The following SAMD7 variants were observed in gnomAD, a reference collection of about 807,000 sequenced individuals.
The protein encoded by SAMD7 is sterile alpha motif domain containing 7, also known as sterile alpha motif domain-containing protein 7.
Under a neutral mutation model 36.7 loss-of-function variants are expected in SAMD7, and 34 were observed. The ratio of observed to expected loss-of-function variants is 0.93; its 90% CI spans 0.71 to 1.23. SAMD7 has a LOEUF of 1.23. Among genes scored for constraint, SAMD7 ranks in the 50% most tolerant of loss-of-function variants. The pLI is 0.00. For missense variants in SAMD7, 570 were observed against 546.6 expected, an observed-to-expected ratio of 1.04 and a Z score of -0.43; for synonymous variants, 188 against 189.7, an observed-to-expected ratio of 0.99 and a Z score of 0.07.
Position 169,927,037 on chromosome 3 carries a change from C to A in SAMD7, c.775C>A (p.His259Asn). The A allele has an allele frequency of 1.9e-6, 3 of 1,612,964 alleles. No individual in the cohort carries two copies. Among genetic ancestry groups the A allele is most frequent in the South Asian group, 2.2e-5 (2 of 91,012 alleles). ...ANTCGELEPT[H>N]RKPWGSHTTT... ...CACCTGTGGAGAGCTCGAGCCCACC[C>A]ATAGGAAACCCTGGGGGTCTCACAC... The change falls in exon 6 of 9, where the codon CAT becomes AAT. Residue 259 changes from histidine to asparagine, a missense_variant. Physicochemically the swap from His to Asn is moderately conservative, Grantham distance 68. Transcript: ENST00000335556.
At chr3:169,923,253 T>G (rs1364630495) in intron 4 of SAMD7, among the ~76,000 whole-genome samples, 1 of 152,114 alleles carries the variant, frequency 6.6e-6, no homozygotes, top group Non-Finnish European at 1.5e-5. Flanking sequence ...CTACCACAGG[T>G]CACGAATCCA....
chr3:169,920,426 A>G (rs1029890528), intron 3 of SAMD7, among the ~76,000 whole-genome samples: 1 of 152,154 alleles, frequency 6.6e-6, no homozygotes, highest in Non-Finnish European at 1.5e-5. Flanking sequence ...CACTAGTACT[A>G]TCGGATTAGG....
rs143707532 is a variant in SAMD7, at chr3:169,921,435, C to T, written c.211+97C>T. 179 of 1,268,970 alleles carry T rather than the reference C, an allele frequency of 1.4e-4. No homozygotes were observed. The East Asian group carries it at 4.2e-3, about 29-fold the overall frequency. The allele number at this position is 1,268,970 out of a possible 1,614,324, so 78.6% of individuals were successfully genotyped here. ...TCAAATTACTCCTAAATTTTGGAGG[C>T]AGATCTGTGTGGTGGTTGTCTCTGC... On this transcript the variant is annotated intron_variant, in intron 4 of 8. Coordinates refer to ENST00000335556, the MANE Select transcript of SAMD7 (RefSeq NM_001304366.2).
chr3:169,917,409 T>C (rs1177326359), intron 2 of SAMD7, among the ~76,000 whole-genome samples: 1 of 152,048 alleles, frequency 6.6e-6, no homozygotes, highest in Non-Finnish European at 1.5e-5. Context: ...TTAAAAACAA[T>C]AAGAAAACCC....
At chr3:169,937,428 G>A (rs1394458019) in intron 8 of SAMD7, among the ~76,000 whole-genome samples, 2 of 151,988 alleles carry the variant, frequency 1.3e-5, no homozygotes, top group Non-Finnish European at 2.9e-5. Flanking sequence ...CCCCTGACAG[G>A]CCTCAGTGTG....
chr3:169,936,371 T>C lies in SAMD7; in HGVS notation c.1074T>C (p.Thr358=), dbSNP rs1168440811. 1 of 1,612,536 alleles carries C rather than the reference T, an allele frequency of 6.2e-7. No homozygotes were observed. Among genetic ancestry groups the C allele is most frequent in the Non-Finnish European group, 8.5e-7 (1 of 1,178,776 alleles). The change falls in exon 8 of 9, where the codon ACT becomes ACC. Residue 358 remains threonine, a synonymous_variant. Transcript: ENST00000335556. ...AAGATCATGCAATTGATGGAGAAAC[T>C]TTGCCATTACTCACAGAAGAGCATC... The part of the protein sequence containing the change: ...VFKDHAIDGE[T]LPLLTEEHLR...
intron 7 of SAMD7, among the ~76,000 whole-genome samples, chr3:169,933,614 A>T (rs1293153463): frequency 6.6e-6 from 1 of 152,208 alleles, no homozygotes; most frequent in Non-Finnish European, 1.5e-5. Context: ...ACACCGGTGC[A>T]TATTGTGGAA....
intron 2 of SAMD7, among the ~76,000 whole-genome samples, chr3:169,918,524 T>C (rs1002314192): frequency 6.6e-6 from 1 of 152,184 alleles, no homozygotes; most frequent in African/African-American, 2.4e-5. Context: ...TCAAAGGATA[T>C]TAAAGAACAA....
intron 2 of SAMD7, among the ~76,000 whole-genome samples, 176 bp from the exon 3 acceptor site, chr3:169,919,282 A>G (rs1444479294): frequency 6.6e-6 from 1 of 152,236 alleles, no homozygotes; most frequent in Non-Finnish European, 1.5e-5. Flanking sequence ...GGGCATACTG[A>G]TAAAACACTG....
Position 169,919,526 on chromosome 3 carries a change from A to G in SAMD7, c.28A>G (p.Thr10Ala), listed in dbSNP as rs1257638480. 1.9e-6 allele frequency: 3 copies of G among 1,614,088 alleles called. No individual in the cohort carries two copies. The highest frequency in any genetic ancestry group is 2.2e-5 in the East Asian group (1 of 44,902). The change falls in exon 3 of 9, where the codon ACA becomes GCA. Residue 10 changes from threonine to alanine, a missense_variant. Coordinates refer to ENST00000335556, the MANE Select transcript of SAMD7 (RefSeq NM_001304366.2). MAVNPLLTP[T>A]GQQTIPLIPS... ...GGCTGTGAACCCTTTATTGACACCA[A>G]CAGGGCAGCAGACAATCCCACTGAT...
At position 169,938,510 on chromosome 3, in the gene SAMD7, C is replaced by T. The variant is rs777073595; in HGVS notation, c.*4C>T. 1.3e-6 allele frequency: 2 copies of T among 1,588,246 alleles called. No homozygotes were observed. Among genetic ancestry groups the T allele is most frequent in the Admixed American group, 1.7e-5 (1 of 58,492 alleles). The stretch of plus-strand genomic sequence containing the variant: ...GCGAGGTAGTATGAGAAACTAAAAG[C>T]CCTCAAGGAGGAAGAATAGTCTTAG... On this transcript the variant is annotated 3_prime_UTR_variant, in exon 9 of 9. Coordinates refer to ENST00000335556, the MANE Select transcript of SAMD7 (RefSeq NM_001304366.2).
At chr3:169,914,344 C>A (rs1209582068) in intron 1 of SAMD7, among the ~76,000 whole-genome samples, 1 of 152,160 alleles carries the variant, frequency 6.6e-6, no homozygotes, top group Non-Finnish European at 1.5e-5. Flanking sequence ...CAATCCTTTT[C>A]TTTAAGGAAA....
chr3:169,922,081 A>G (rs1713069113), intron 4 of SAMD7, among the ~76,000 whole-genome samples: 1 of 152,212 alleles, frequency 6.6e-6, no homozygotes, highest in Non-Finnish European at 1.5e-5. Flanking sequence ...AGACTGTGGA[A>G]GGAACAGAGT....
chr3:169,924,268 T>C (rs778876108), intron 4 of SAMD7, among the ~76,000 whole-genome samples: 37 of 151,962 alleles, frequency 2.4e-4, no homozygotes, highest in Non-Finnish European at 4.6e-4. Context: ...TAAAGCACTT[T>C]ACTTGCTTGG....
At position 169,919,509 on chromosome 3, in the gene SAMD7, A is replaced by G. The variant is rs960680061; in HGVS notation, c.11A>G (p.Asn4Ser). Residue 4 changes from asparagine (N) to serine (S), a missense_variant, in exon 3 of 9, where the codon AAC becomes AGC. Transcript: ENST00000335556. The part of the protein sequence containing the change: MAV[N>S]PLLTPTGQQT... ...AAGACAAACCCGGTGATGGCTGTGAACCCTTTATTGACACCAACAGGGCAG... is the reference window on the plus strand; with the variant it reads ...AAGACAAACCCGGTGATGGCTGTGAGCCCTTTATTGACACCAACAGGGCAG... 4.3e-6 allele frequency: 7 copies of G among 1,614,024 alleles called. No individual in the cohort carries two copies. Among genetic ancestry groups the G allele is most frequent in the Non-Finnish European group, 5.1e-6 (6 of 1,179,936 alleles).
At chr3:169,916,768 A>G (rs1404266640) in intron 2 of SAMD7, among the ~76,000 whole-genome samples, 1 of 152,252 alleles carries the variant, frequency 6.6e-6, no homozygotes, top group Admixed American at 6.5e-5. Context: ...TCAAAGTTCA[A>G]CAATTTTTCA....
rs1411716580 is a variant in SAMD7 at position 169,936,450 on chromosome 3, G to T, written c.1152+1G>T. 2.6e-6 allele frequency: 4 copies of T among 1,553,398 alleles called. No homozygotes were observed. Among genetic ancestry groups the T allele is most frequent in the Admixed American group, 1.7e-5 (1 of 59,586 alleles). The stretch of plus-strand genomic sequence containing the variant: ...GCCGGCACTAAAAATTCAGTCACAG[G>T]TATGGTGATTTTATATAACTAATTA... On this transcript the variant is annotated splice_donor_variant, in intron 8 of 8. Coordinates refer to ENST00000335556, the MANE Select transcript of SAMD7 (RefSeq NM_001304366.2). LOFTEE classifies it high-confidence loss of function.
Position 169,936,304 on chromosome 3 carries a change from T to C in SAMD7, c.1042-35T>C, listed in dbSNP as rs1713713535. ...AAAAGAACTTTTTCAAAAAAAGACA[T>C]TCAGACAGAGTTAACACCTTTTGTA... On this transcript the variant is annotated intron_variant, in intron 7 of 8. Coordinates refer to ENST00000335556, the MANE Select transcript of SAMD7 (RefSeq NM_001304366.2). 4.5e-6 allele frequency: 6 copies of C among 1,336,136 alleles called. No individual in the cohort carries two copies. The East Asian group carries it at 1.4e-4, about 31-fold the overall frequency. 82.8% of individuals were successfully genotyped at this position (1,336,136 alleles called of 1,614,324 possible).
At position 169,935,542 on chromosome 3, in the gene SAMD7, C is replaced by T. The variant is rs921404390; in HGVS notation, c.1042-797C>T. Among the ~76,000 whole-genome samples, 13 of 151,922 alleles carry T rather than the reference C, an allele frequency of 8.6e-5. No homozygotes were observed. The East Asian group carries it at 9.7e-4, about 11-fold the overall frequency. ...TTGTTTTGTTTTTTTAGTTAGGAAG[C>T]GCTATGATCTACTGAAAATGAGGGA... On this transcript the variant is annotated intron_variant, in intron 7 of 8. Transcript: ENST00000335556.
Sources: gnomAD v4.1 joint callset for allele counts (sites outside exome capture counted in the v4.1 genomes callset) on GRCh38, gnomAD v4.1.1 for gene constraint, MANE v1.5 for transcripts, NCBI Gene and HGNC (gene_info 2026-07-23, HGNC 2026-07-21) for gene names.